DPP10: variants seen among roughly 807,000 people sequenced by gnomAD.
DPP10 encodes the protein inactive dipeptidyl peptidase 10.
A neutral mutation model predicts 120.9 loss-of-function variants in DPP10; 33 were observed. The observed-to-expected ratio is 0.27, with a 90% confidence interval of 0.21 to 0.37. DPP10 has a LOEUF of 0.37. Ranked by LOEUF, DPP10 falls within the 10% of genes least tolerant of loss-of-function variation. DPP10 has a pLI of 1.00. For synonymous variants in DPP10, 337 were observed against 326.1 expected, an observed-to-expected ratio of 1.03 and a Z score of -0.36; for missense variants, 816 against 942.8, an observed-to-expected ratio of 0.87 and a Z score of 1.76.
chr2:115,470,719 C>T (rs987962200), intron 3 of DPP10, among the ~76,000 whole-genome samples: 3 of 151,976 alleles, frequency 2.0e-5, no homozygotes, highest in African/African-American at 7.2e-5. Flanking sequence ...ATTGCTTGTT[C>T]TTTTCAAAAT....
intron 1 of DPP10, among the ~76,000 whole-genome samples, chr2:115,240,558 A>C (rs571788053): frequency 2.0e-5 from 3 of 152,246 alleles, no homozygotes; most frequent in South Asian, 4.1e-4. Flanking sequence ...GAGATTGCAA[A>C]AATTTTTTCC....
chr2:114,875,877 C>A lies in DPP10; in HGVS notation c.60+433039C>A, dbSNP rs757841262. Among the ~76,000 whole-genome samples the A allele has an allele frequency of 2.0e-5, 3 of 152,062 alleles. 1 individual carries two copies. Among genetic ancestry groups the A allele is most frequent in the Non-Finnish European group, 4.4e-5 (3 of 67,994 alleles). On this transcript the variant is annotated intron_variant, in intron 1 of 25. Coordinates refer to ENST00000410059, the MANE Select transcript of DPP10 (RefSeq NM_020868.6). ...AATAATAACAAATAGACAAGGGCATCTTTAGAGCCCTAAATTTCAGCAGCA... is the reference window on the plus strand; with the variant it reads ...AATAATAACAAATAGACAAGGGCATATTTAGAGCCCTAAATTTCAGCAGCA...
At chr2:114,470,960 G>A (rs1374267883) in intron 1 of DPP10, among the ~76,000 whole-genome samples, 1 of 152,176 alleles carries the variant, frequency 6.6e-6, no homozygotes, top group Non-Finnish European at 1.5e-5. Context: ...TTTTATTAGT[G>A]CATTGTAGGG....
intron 7 of DPP10, among the ~76,000 whole-genome samples, chr2:115,695,955 A>G (rs76172984): frequency 0.035 from 5,385 of 152,268 alleles, 163 homozygotes; most frequent in East Asian, 0.099. Context: ...AAAAGCTTAC[A>G]GTAACTGAAA....
chr2:115,526,261 C>T (rs911302584), intron 5 of DPP10: 3 of 295,332 alleles, frequency 1.0e-5, no homozygotes, highest in Non-Finnish European at 1.9e-5. Context: ...CAAATGCGGG[C>T]TTGTGAAAGT....
At chr2:114,846,449 T>A (rs1230197130) in intron 1 of DPP10, among the ~76,000 whole-genome samples, 2 of 152,118 alleles carry the variant, frequency 1.3e-5, no homozygotes, top group African/African-American at 4.8e-5. Flanking sequence ...AATCTGAAAG[T>A]CTATGGCAGA....
intron 1 of DPP10, among the ~76,000 whole-genome samples, chr2:114,570,671 C>CAA (rs1322895585): frequency 7.2e-6 from 1 of 138,834 alleles, no homozygotes; most frequent in African/African-American, 2.6e-5. Flanking sequence ...TAAAAAAATA[C>CAA]AAAAAAAAAA....
At chr2:114,813,339 A>G (rs192601149) in intron 1 of DPP10, among the ~76,000 whole-genome samples, 1 of 152,204 alleles carries the variant, frequency 6.6e-6, no homozygotes, top group Admixed American at 6.5e-5. Flanking sequence ...TATATATATG[A>G]ACTTTGATGA....
intron 1 of DPP10, among the ~76,000 whole-genome samples, chr2:114,826,757 T>C (rs960326657): frequency 6.4e-4 from 97 of 152,306 alleles, no homozygotes; most frequent in African/African-American, 2.1e-3. Context: ...CCCATCCTCT[T>C]GGCCTTGTGA....
At chr2:115,717,182 A>G (rs2092522717) in intron 7 of DPP10, among the ~76,000 whole-genome samples, 1 of 152,178 alleles carries the variant, frequency 6.6e-6, no homozygotes, top group African/African-American at 2.4e-5. Context: ...CTTAACATTG[A>G]GGCTTTGAAG....
intron 5 of DPP10, among the ~76,000 whole-genome samples, chr2:115,580,560 G>A (rs922685048): frequency 3.9e-5 from 6 of 152,068 alleles, no homozygotes; most frequent in East Asian, 1.9e-4. Flanking sequence ...CTGCAGGCAC[G>A]CTGGCTTCCC....
At chr2:114,573,351 A>G (rs1689802560) in intron 1 of DPP10, among the ~76,000 whole-genome samples, 2 of 152,214 alleles carry the variant, frequency 1.3e-5, no homozygotes, top group South Asian at 4.1e-4. Context: ...TCATTTGGTC[A>G]AGTCCAAATG....
chr2:114,982,627 G>T (rs1215857835), intron 1 of DPP10, among the ~76,000 whole-genome samples: 1 of 150,802 alleles, frequency 6.6e-6, no homozygotes, highest in Admixed American at 6.6e-5. Context: ...TTGACACAAG[G>T]TGTCACTCTG....
chr2:114,891,413 T>C (rs1362753974), intron 1 of DPP10, among the ~76,000 whole-genome samples: 1 of 152,046 alleles, frequency 6.6e-6, no homozygotes, highest in African/African-American at 2.4e-5. Context: ...CTCTTAGGAG[T>C]TTGATGTGAC....
chr2:115,381,028 G>T lies in DPP10; in HGVS notation c.271+37116G>T, dbSNP rs369759027. ...ACTTTGGTGAATCTGACAATTATGT[G>T]TCTTAGAGTTGCTCTTCTCGTGGAG... On this transcript the variant is annotated intron_variant, in intron 3 of 25. Coordinates refer to ENST00000410059, the MANE Select transcript of DPP10 (RefSeq NM_020868.6). 6.3e-4 allele frequency among the ~76,000 whole-genome samples: 96 copies of T among 152,158 alleles called. No individual in the cohort carries two copies. In the East Asian group the frequency reaches 0.014, roughly 22 times the overall value.
intron 1 of DPP10, among the ~76,000 whole-genome samples, chr2:114,753,953 TA>T (rs1679491150): frequency 6.6e-6 from 1 of 151,098 alleles, no homozygotes; most frequent in South Asian, 2.1e-4. Flanking sequence ...ATGAAAATGT[TA>T]AATACAGCAT....
intron 2 of DPP10, among the ~76,000 whole-genome samples, chr2:115,310,389 A>G (rs2106029264): frequency 6.6e-6 from 1 of 152,322 alleles, no homozygotes; most frequent in East Asian, 1.9e-4. Context: ...GACTAATTAT[A>G]CAAATGGCAG....
At chr2:115,532,003 A>G (rs1265870928) in intron 5 of DPP10, among the ~76,000 whole-genome samples, 2 of 152,140 alleles carry the variant, frequency 1.3e-5, no homozygotes, top group South Asian at 2.1e-4. Context: ...TCCATTGCAC[A>G]TATCACAATT....
intron 1 of DPP10, among the ~76,000 whole-genome samples, chr2:114,454,801 T>C (rs1173714539): frequency 6.6e-6 from 1 of 152,172 alleles, no homozygotes; most frequent in African/African-American, 2.4e-5. Flanking sequence ...ATCTTTGTTA[T>C]CCTATCCCTT....
Sources: gnomAD v4.1 joint callset for allele counts (sites outside exome capture counted in the v4.1 genomes callset) on GRCh38, gnomAD v4.1.1 for gene constraint, MANE v1.5 for transcripts, NCBI Gene and HGNC (gene_info 2026-07-23, HGNC 2026-07-21) for gene names.